Variants in SMYD3 observed in about 807,000 individuals in gnomAD.
The protein encoded by SMYD3 is histone-lysine N-methyltransferase SMYD3.
In SMYD3, 36 loss-of-function variants were observed where a neutral mutation model predicts 57.7. That is an observed-to-expected ratio of 0.62 (90% CI 0.48 to 0.82). The LOEUF (loss-of-function observed/expected upper bound fraction) is 0.82. Ranked by LOEUF, SMYD3 falls within the 40% of genes least tolerant of loss-of-function variation. The pLI, the probability that SMYD3 is intolerant of heterozygous loss-of-function variation, is 0.00. For missense variants in SMYD3, 515 were observed against 538.8 expected (o/e 0.96, Z 0.44); for synonymous variants, 211 against 195.0 (o/e 1.08, Z -0.68).
At chr1:245,825,501 T>C (rs1192254132) in intron 10 of SMYD3, among the ~76,000 whole-genome samples, 8 of 152,040 alleles carry the variant, frequency 5.3e-5, no homozygotes, top group African/African-American at 1.9e-4. Flanking sequence ...GCTCACTAGG[T>C]GGGCGGAGGG....
At chr1:246,416,743 T>TA (rs199684281) in intron 1 of SMYD3, among the ~76,000 whole-genome samples, 4,597 of 151,954 alleles carry the variant, frequency 0.03, 104 homozygotes, top group Non-Finnish European at 0.043. Context: ...TTCCGAATTT[T>TA]AAAAAAACAG....
chr1:245,895,954 C>T (rs912008122), intron 8 of SMYD3, among the ~76,000 whole-genome samples: 13 of 152,170 alleles, frequency 8.5e-5, no homozygotes, highest in African/African-American at 2.9e-4. Flanking sequence ...TTTATATTTA[C>T]AGAAGAAACT....
At chr1:245,993,580 AGAT>A (rs1465408616) in intron 5 of SMYD3, among the ~76,000 whole-genome samples, 102 of 10,806 alleles carry the variant, frequency 9.4e-3, no homozygotes, top group East Asian at 0.022. Flanking sequence ...AAAAAAAAAA[AGAT>A]AGATAGATAG....
chr1:245,777,698 C>T (rs181864467), intron 10 of SMYD3, among the ~76,000 whole-genome samples: 9 of 152,184 alleles, frequency 5.9e-5, no homozygotes, highest in African/African-American at 2.2e-4. Context: ...TCCTAGAGGT[C>T]CCCCTGTGTC....
In SMYD3 at chr1:246,282,497, C is replaced by A. The variant is rs929483366; in HGVS notation, c.531+44704G>T. On this transcript the variant is annotated intron_variant, in intron 5 of 11. Transcript: ENST00000490107. Reference sequence around the variant, plus strand: ...CTGCAGCCTAGGCAACAGGGCAAGACCCTGTCTCAAAAAAATTAATAATAA... The same window carrying A: ...CTGCAGCCTAGGCAACAGGGCAAGAACCTGTCTCAAAAAAATTAATAATAA... Among the ~76,000 whole-genome samples the A allele has an allele frequency of 2.0e-5, 3 of 150,592 alleles. No homozygotes were observed. The East Asian group carries it at 5.8e-4, about 29-fold the overall frequency.
At chr1:246,414,149 G>C (rs913694139) in intron 1 of SMYD3, among the ~76,000 whole-genome samples, 1 of 152,126 alleles carries the variant, frequency 6.6e-6, no homozygotes, top group African/African-American at 2.4e-5. Flanking sequence ...CCTACCCCTA[G>C]AGCAGTCAGA....
At chr1:246,303,037 G>A (rs2064919334) in intron 5 of SMYD3, among the ~76,000 whole-genome samples, 1 of 152,264 alleles carries the variant, frequency 6.6e-6, no homozygotes, top group Middle Eastern at 3.4e-3. Context: ...AAAAGCAATG[G>A]AATGAATAGC....
intron 1 of SMYD3, among the ~76,000 whole-genome samples, chr1:246,390,152 T>C (rs2148765988): frequency 7.8e-6 from 1 of 127,922 alleles, no homozygotes; most frequent in Non-Finnish European, 1.6e-5. Context: ...AGTTCACGGC[T>C]ACAGTGAGCT....
intron 1 of SMYD3, among the ~76,000 whole-genome samples, chr1:246,400,821 A>C (rs1055352554): frequency 1.3e-5 from 2 of 150,480 alleles, no homozygotes; most frequent in African/African-American, 4.9e-5. Context: ...TCATTATCCT[A>C]GGCAAATAAA....
At chr1:246,039,347 A>G (rs1373734140) in intron 5 of SMYD3, among the ~76,000 whole-genome samples, 4 of 152,216 alleles carry the variant, frequency 2.6e-5, no homozygotes, top group Non-Finnish European at 5.9e-5. Context: ...AGATGTAAAC[A>G]TAGGTATATG....
At chr1:245,828,895 G>T (rs1416291974) in intron 10 of SMYD3, among the ~76,000 whole-genome samples, 1 of 151,960 alleles carries the variant, frequency 6.6e-6, no homozygotes, top group East Asian at 1.9e-4. Flanking sequence ...TAGAGATGGG[G>T]TTTCGCCATG....
intron 5 of SMYD3, among the ~76,000 whole-genome samples, chr1:246,165,630 G>A (rs2062195876): frequency 6.6e-6 from 1 of 152,200 alleles, no homozygotes; most frequent in African/African-American, 2.4e-5. Flanking sequence ...TCCCAGGCAA[G>A]ATTGTGTGCA....
At chr1:246,241,437 G>A (rs576484325) in intron 5 of SMYD3, among the ~76,000 whole-genome samples, 1 of 152,334 alleles carries the variant, frequency 6.6e-6, no homozygotes, top group Non-Finnish European at 1.5e-5. Flanking sequence ...TCCCAGGGAT[G>A]AAGCCAACTT....
At chr1:246,005,099 T>G (rs766508509) in intron 5 of SMYD3, among the ~76,000 whole-genome samples, 3 of 152,192 alleles carry the variant, frequency 2.0e-5, no homozygotes, top group Non-Finnish European at 4.4e-5. Flanking sequence ...TCTGCCCATC[T>G]TGGCCTCCCA....
chr1:246,489,002 C>T (rs911246371), intron 1 of SMYD3, among the ~76,000 whole-genome samples: 1 of 152,140 alleles, frequency 6.6e-6, no homozygotes, highest in African/African-American at 2.4e-5. Context: ...TCTCTCTCCA[C>T]CTCCCACTCC....
At chr1:246,433,520 G>A (rs1322295772) in intron 1 of SMYD3, among the ~76,000 whole-genome samples, 2 of 152,090 alleles carry the variant, frequency 1.3e-5, no homozygotes, top group Non-Finnish European at 2.9e-5. Flanking sequence ...AATTAGCCAG[G>A]CATGCTGGCA....
Position 245,817,729 on chromosome 1 carries a change from C to T in SMYD3, c.1076+40767G>A, listed in dbSNP as rs1215915960. Reference sequence around the variant, plus strand: ...GAGCTGATGGAGCTGAAAACCAAGGCTCGAGAACTATGTGAAGAATGCAGA... The same window carrying T: ...GAGCTGATGGAGCTGAAAACCAAGGTTCGAGAACTATGTGAAGAATGCAGA... On this transcript the variant is annotated intron_variant, in intron 10 of 11. Transcript: ENST00000490107. Among the ~76,000 whole-genome samples, 16 of 152,030 alleles carry T rather than the reference C, an allele frequency of 1.1e-4. No individual in the cohort carries two copies. The East Asian group carries it at 3.1e-3, about 29-fold the overall frequency.
At chr1:246,175,884 A>G (rs1044550961) in intron 5 of SMYD3, among the ~76,000 whole-genome samples, 2 of 152,214 alleles carry the variant, frequency 1.3e-5, no homozygotes, top group Non-Finnish European at 2.9e-5. Context: ...TACTGTGCAG[A>G]CACAGAATAA....
intron 5 of SMYD3, among the ~76,000 whole-genome samples, chr1:246,083,056 G>C (rs139210101): frequency 9.9e-5 from 15 of 151,974 alleles, no homozygotes; most frequent in Admixed American, 2.0e-4. Flanking sequence ...CTGAAATATG[G>C]CCTCCTGGGA....
Sources: allele counts gnomAD v4.1 joint callset (sites outside exome capture counted in the v4.1 genomes callset), GRCh38; gene constraint gnomAD v4.1.1; transcripts MANE v1.5; gene names NCBI Gene and HGNC (gene_info 2026-07-23, HGNC 2026-07-21).